The following CEACAM5 variants were observed in gnomAD, a reference collection of about 807,000 sequenced individuals.
CEACAM5 encodes the protein cell adhesion molecule CEACAM5.
Under a neutral mutation model 63.0 loss-of-function variants are expected in CEACAM5, and 52 were observed. The observed-to-expected ratio is 0.83, with a 90% confidence interval of 0.66 to 1.04. CEACAM5 has a LOEUF of 1.04. Among genes scored for constraint, CEACAM5 ranks in the 50% least tolerant of loss-of-function variants. The pLI is 0.00. For missense variants in CEACAM5, 790 were observed against 864.8 expected (o/e 0.91, Z 1.08); for synonymous variants, 357 against 351.3 (o/e 1.02, Z -0.18).
intron 8 of CEACAM5, among the ~76,000 whole-genome samples, chr19:41,726,914 G>A (rs2122846890): frequency 6.6e-6 from 1 of 152,202 alleles, no homozygotes; most frequent in East Asian, 1.9e-4. Context: ...TACCACAACT[G>A]AGACACTGAG....
intron 2 of CEACAM5, 86 bp from the exon 3 acceptor site, chr19:41,714,885 G>T: frequency 6.3e-7 from 1 of 1,590,494 alleles, no homozygotes; most frequent in South Asian, 1.1e-5. Context: ...GGGCTGAGAG[G>T]TGGAAGGTGC....
intron 7 of CEACAM5, 127 bp downstream of exon 7, chr19:41,720,335 A>AT: frequency 8.1e-7 from 1 of 1,231,986 alleles, no homozygotes; most frequent in Non-Finnish European, 1.1e-6. Context: ...CAGGCTGGCC[A>AT]TAACTTCCTG....
At chr19:41,718,742 C>G (rs2072569356) in intron 6 of CEACAM5, among the ~76,000 whole-genome samples, 3 of 152,218 alleles carry the variant, frequency 2.0e-5, no homozygotes, top group Admixed American at 6.5e-5. Flanking sequence ...GTTCTTTTAC[C>G]TAATCCATGA....
At chr19:41,721,233 T>C (rs993824574) in intron 8 of CEACAM5, 57 bp downstream of exon 8, 1 of 1,581,670 alleles carries the variant, frequency 6.3e-7, no homozygotes, top group Admixed American at 1.7e-5. Context: ...TATCTGGTTC[T>C]CACCAAAGAG....
intron 8 of CEACAM5, among the ~76,000 whole-genome samples, chr19:41,725,426 A>T (rs2072686866): frequency 6.6e-6 from 1 of 150,594 alleles, no homozygotes; most frequent in Admixed American, 6.7e-5. Flanking sequence ...GCTAGAGTGC[A>T]GTGGTGCCAT....
intron 3 of CEACAM5, 57 bp from the exon 4 acceptor site, chr19:41,715,593 A>G (rs2072512333): frequency 1.9e-6 from 3 of 1,603,268 alleles, no homozygotes; most frequent in Admixed American, 3.3e-5. Flanking sequence ...TCCATAGACC[A>G]GGAACTTCCA....
Position 41,717,459 on chromosome 19 carries a change from GCCACCCAAA to G in CEACAM5, c.966_974del (p.Pro323_Pro325del). On this transcript the variant is annotated inframe_deletion, in exon 5 of 10. Coordinates refer to ENST00000221992, the MANE Select transcript of CEACAM5 (RefSeq NM_004363.6). ...TTCTCTCTGTTATCTGCACAGCAGA[GCCACCCAAA>G]CCCTTCATCACCAGCAACAACTCCA... 6.2e-7 allele frequency: 1 copy of G among 1,612,848 alleles called. No homozygotes were observed. The highest frequency in any genetic ancestry group is 1.3e-5 in the African/African-American group (1 of 75,024).
At chr19:41,717,767 G>A in intron 5 of CEACAM5, 34 bp downstream of exon 5, 1 of 1,605,936 alleles carries the variant, frequency 6.2e-7, no homozygotes, top group East Asian at 2.2e-5. Context: ...GGCTCAGGCT[G>A]CCAGCCCAAA....
intron 7 of CEACAM5, 108 bp from the exon 8 acceptor site, chr19:41,720,813 TA>T: frequency 6.9e-7 from 1 of 1,440,114 alleles, no homozygotes; most frequent in Non-Finnish European, 9.5e-7. Flanking sequence ...TTGGACTTTT[TA>T]ACACAGGATT....
chr19:41,714,009 G>A (rs1291155882), intron 2 of CEACAM5, among the ~76,000 whole-genome samples: 1 of 152,158 alleles, frequency 6.6e-6, no homozygotes, highest in African/African-American at 2.4e-5. Flanking sequence ...GAGGTCAGAA[G>A]TTCAAGACCA....
chr19:41,709,129 C>T (rs1368405457), intron 1 of CEACAM5, among the ~76,000 whole-genome samples: 2 of 152,224 alleles, frequency 1.3e-5, no homozygotes, highest in Non-Finnish European at 2.9e-5. Context: ...GAAAATAAGC[C>T]CCAGGCTGTG....
At chr19:41,714,203 AAAAC>A (rs1220938386) in intron 2 of CEACAM5, among the ~76,000 whole-genome samples, 2 of 152,190 alleles carry the variant, frequency 1.3e-5, no homozygotes, top group Non-Finnish European at 2.9e-5. Context: ...TCCATCTCAA[AAAAC>A]AAACAAACAA....
At chr19:41,718,804 T>C (rs913516038) in intron 6 of CEACAM5, among the ~76,000 whole-genome samples, 2 of 152,178 alleles carry the variant, frequency 1.3e-5, no homozygotes, top group Non-Finnish European at 1.5e-5. Context: ...TTTCCCCAAA[T>C]GAGAGGAGGA....
rs187889431 is a variant in CEACAM5, at chr19:41,729,420, G to A, written c.*273G>A. ...GAATCGCTTGAACCCGGGAGGTGGA[G>A]ATTGCAGTGAGCCCAGATCGCACCA... is the stretch of plus-strand genomic sequence containing the variant. On this transcript the variant is annotated 3_prime_UTR_variant, in exon 10 of 10. Coordinates refer to ENST00000221992, the MANE Select transcript of CEACAM5 (RefSeq NM_004363.6). The A allele has an allele frequency of 2.6e-5, 4 of 152,288 alleles. No individual in the cohort carries two copies. The East Asian group carries it at 7.7e-4, about 29-fold the overall frequency. 9.4% of individuals were successfully genotyped at this position (152,288 alleles called of 1,614,324 possible).
Position 41,717,511 on chromosome 19 carries a change from G to T in CEACAM5, c.1015G>T (p.Asp339Tyr). 1 of 1,614,214 alleles carries T rather than the reference G, an allele frequency of 6.2e-7. No homozygotes were observed. The highest frequency in any genetic ancestry group is 8.5e-7 in the Non-Finnish European group (1 of 1,180,044). Residue 339 changes from aspartate to tyrosine, a missense_variant, in exon 5 of 10, where the codon GAT becomes TAT. Transcript: ENST00000221992. Reference protein sequence around the residue: ...SNNSNPVEDEDAVALTCEPEI... With the variant: ...SNNSNPVEDEYAVALTCEPEI... ...CAACTCCAACCCCGTGGAGGATGAGGATGCTGTAGCCTTAACCTGTGAACC... is the reference window on the plus strand; with the variant it reads ...CAACTCCAACCCCGTGGAGGATGAGTATGCTGTAGCCTTAACCTGTGAACC...
At chr19:41,721,856 G>T (rs1260178808) in intron 8 of CEACAM5, among the ~76,000 whole-genome samples, 1 of 152,224 alleles carries the variant, frequency 6.6e-6, no homozygotes, top group Admixed American at 6.5e-5. Context: ...CTGTGTCCTG[G>T]CTCTGAAGTC....
rs1555817281 is a variant in CEACAM5, at chr19:41,727,464, C to T, written c.*36+112C>T. ...TCTGGGACTGGATCTCTTCCTCCTA[C>T]CCCCAAGCTCCTGCTTCTCAGCACT... On this transcript the variant is annotated intron_variant, in intron 9 of 9. Coordinates refer to ENST00000221992, the MANE Select transcript of CEACAM5 (RefSeq NM_004363.6). The T allele has an allele frequency of 2.4e-5, 16 of 673,136 alleles. No homozygotes were observed. In the East Asian group the frequency reaches 3.8e-4, roughly 16 times the overall value. 41.7% of individuals were successfully genotyped at this position (673,136 alleles called of 1,614,324 possible).
Position 41,729,892 on chromosome 19 carries a change from A to G in CEACAM5, c.*745A>G, listed in dbSNP as rs1485736967. 3 of 152,244 alleles carry G rather than the reference A, an allele frequency of 2.0e-5. No homozygotes were observed. Among genetic ancestry groups the G allele is most frequent in the African/African-American group, 7.2e-5 (3 of 41,474 alleles). The allele number at this position is 152,244 out of a possible 1,614,324, so 9.4% of individuals were successfully genotyped here. On this transcript the variant is annotated 3_prime_UTR_variant, in exon 10 of 10. Coordinates refer to ENST00000221992, the MANE Select transcript of CEACAM5 (RefSeq NM_004363.6). ...TTGTATGGTAATATAGTTATTGCAC[A>G]AGTTCAATAAAAATCTGCTCTTTGT...
chr19:41,717,823 G>T (rs1210448359), intron 5 of CEACAM5, 90 bp downstream of exon 5: 41 of 1,496,232 alleles, frequency 2.7e-5, no homozygotes, highest in Non-Finnish European at 3.2e-5. Flanking sequence ...TCAGGCCCAA[G>T]GACAGAGACT....
Sources: allele counts gnomAD v4.1 joint callset (sites outside exome capture counted in the v4.1 genomes callset), GRCh38; gene constraint gnomAD v4.1.1; transcripts MANE v1.5; gene names NCBI Gene and HGNC (gene_info 2026-07-23, HGNC 2026-07-21).